Variants in SH3BP2 observed in about 807,000 individuals in gnomAD.
The protein encoded by SH3BP2 is SH3 domain binding protein 2, also known as SH3 domain-binding protein 2.
In SH3BP2, 38 loss-of-function variants were observed where a neutral mutation model predicts 56.2. The ratio of observed to expected loss-of-function variants is 0.68; its 90% confidence interval spans 0.52 to 0.89. The LOEUF is 0.89. Ranked by LOEUF, SH3BP2 falls within the 40% of genes least tolerant of loss-of-function variation. The probability of loss-of-function intolerance (pLI) is 0.00; values close to 1 mark genes in which losing one functional copy is unlikely to be tolerated. For missense variants in SH3BP2, 748 were observed against 762.6 expected, an observed-to-expected ratio of 0.98 and a Z score of 0.23; for synonymous variants, 346 against 316.7, an observed-to-expected ratio of 1.09 and a Z score of -0.98.
In SH3BP2 at chr4:2,823,145, T is replaced by C. The variant is rs1003630947; in HGVS notation, c.239+108T>C. The C allele has an allele frequency of 9.6e-6, 8 of 829,092 alleles. No homozygotes were observed. In the African/African-American group the frequency reaches 1.3e-4, roughly 14 times the overall value. 51.4% of individuals were successfully genotyped at this position (829,092 alleles called of 1,614,324 possible). Reference sequence around the variant, plus strand: ...TTATTCCCGCCCAAGGAAAGTGCTTTCCCGAAGCAGCCTTCGTGCCCATCC... The same window carrying C: ...TTATTCCCGCCCAAGGAAAGTGCTTCCCCGAAGCAGCCTTCGTGCCCATCC... On this transcript the variant is annotated intron_variant, in intron 3 of 12. Coordinates refer to ENST00000503393, the MANE Select transcript of SH3BP2 (RefSeq NM_001122681.2).
At chr4:2,812,518 A>G in intron 1 of SH3BP2, 1 of 1,542,852 alleles carries the variant, frequency 6.5e-7, no homozygotes, top group Non-Finnish European at 8.8e-7. Context: ...GGGAGGCGGC[A>G]CTGGTCTAGC....
chr4:2,828,200 C>G (rs1724782121), intron 7 of SH3BP2, among the ~76,000 whole-genome samples: 1 of 140,026 alleles, frequency 7.1e-6, no homozygotes, highest in Admixed American at 7.2e-5. Context: ...TGTCGCCTCC[C>G]TCCCTTCCTC....
chr4:2,808,791 AGTGCCC>A (rs2108709238), intron 1 of SH3BP2, among the ~76,000 whole-genome samples: 2 of 75,292 alleles, frequency 2.7e-5, no homozygotes, highest in Admixed American at 1.7e-4. Flanking sequence ...CCTAGGGCTC[AGTGCCC>A]ACCTTCCCCC....
At chr4:2,818,391 G>GT in intron 1 of SH3BP2, 1 of 1,178,346 alleles carries the variant, frequency 8.5e-7, no homozygotes, top group Non-Finnish European at 1.1e-6. Flanking sequence ...CGTGGACGCC[G>GT]TGAGTACCGA....
In SH3BP2 at chr4:2,833,020, A is replaced by G; in HGVS notation, c.1519A>G (p.Lys507Glu). Reference sequence around the variant, plus strand: ...GGTTGTGTGGGACGAAACCTCTAACAAAGTGAGGAACTATCGCATTTTTGA... The same window carrying G: ...GGTTGTGTGGGACGAAACCTCTAACGAAGTGAGGAACTATCGCATTTTTGA... ...VLVVWDETSN[K>E]VRNYRIFEKD... The change falls in exon 12 of 13, where the codon AAA (lysine) becomes GAA (glutamate). Residue 507 changes from lysine (K) to glutamate (E), a missense_variant. Lys to Glu is a moderately conservative substitution (Grantham distance 56). Around this residue, in one of 3 missense-constraint regions of SH3BP2, gnomAD observed 635 missense variants for 615.0 expected, o/e 1.03. Coordinates refer to ENST00000503393, the MANE Select transcript of SH3BP2 (RefSeq NM_001122681.2). The G allele has an allele frequency of 6.2e-7, 1 of 1,614,202 alleles. No individual in the cohort carries two copies. Among genetic ancestry groups the G allele is most frequent in the Non-Finnish European group, 8.5e-7 (1 of 1,180,022 alleles).
intron 1 of SH3BP2, among the ~76,000 whole-genome samples, chr4:2,795,957 G>T (rs372912326): frequency 2.0e-5 from 3 of 152,170 alleles, no homozygotes; most frequent in Admixed American, 1.3e-4. Flanking sequence ...AGTCCCAGAG[G>T]GGGTGGTAGG....
At position 2,831,409 on chromosome 4, in the gene SH3BP2, C is replaced by T. The variant is rs1724977183; in HGVS notation, c.1242-162C>T. ...GCTGTCCCAGGGCAGTCGGCACGAG[C>T]CCTACCCGGATCTCTGTTGTCCTGA... On this transcript the variant is annotated intron_variant, in intron 8 of 12. Coordinates refer to ENST00000503393, the MANE Select transcript of SH3BP2 (RefSeq NM_001122681.2). This position sits in a 1 kb window ranked among gnomAD's most constrained non-coding sequence, Gnocchi z 4.1. Among the ~76,000 whole-genome samples the T allele has an allele frequency of 1.3e-5, 2 of 152,172 alleles. No homozygotes were observed. The highest frequency in any genetic ancestry group is 2.4e-5 in the African/African-American group (1 of 41,434).
At chr4:2,828,535 T>G (rs1724801142) in intron 7 of SH3BP2, among the ~76,000 whole-genome samples, 1 of 152,196 alleles carries the variant, frequency 6.6e-6, no homozygotes, top group African/African-American at 2.4e-5. Context: ...GCAGAGCTCT[T>G]GTCTCACAGT....
At chr4:2,815,027 G>A (rs903089712) in intron 1 of SH3BP2, 1 of 152,342 alleles carries the variant, frequency 6.6e-6, no homozygotes, top group African/African-American at 2.4e-5. Flanking sequence ...CCAGCTAGGA[G>A]TGTGGGTGCT....
intron 1 of SH3BP2, among the ~76,000 whole-genome samples, chr4:2,804,389 G>T (rs1723445059): frequency 6.6e-6 from 1 of 152,312 alleles, no homozygotes; most frequent in South Asian, 2.1e-4. Context: ...TTTCTTCAAG[G>T]GAACCAGCAG....
intron 1 of SH3BP2, among the ~76,000 whole-genome samples, chr4:2,808,223 G>A (rs1032675811): frequency 6.6e-5 from 10 of 152,276 alleles, no homozygotes; most frequent in South Asian, 2.1e-4. Context: ...GCTGGTGGCC[G>A]GCGATCCTCG....
At chr4:2,797,144 GT>G (rs1424794135) in intron 1 of SH3BP2, among the ~76,000 whole-genome samples, 1 of 152,164 alleles carries the variant, frequency 6.6e-6, no homozygotes, top group African/African-American at 2.4e-5. Context: ...AGGGTCCTGG[GT>G]CCCCATGCCC....
In SH3BP2 at chr4:2,840,370, G is replaced by GT. The variant is rs1725381280; in HGVS notation, c.*6542dup. On this transcript the variant is annotated 3_prime_UTR_variant, in exon 13 of 13. Transcript: ENST00000503393. ...TAGGCCTTTAATTCACCTAGATTTG[G>GT]TTTTTTGCATATGGTGTGAGGTAAG... The GT allele has an allele frequency of 3.3e-5, 5 of 151,894 alleles. No individual in the cohort carries two copies. Among genetic ancestry groups the GT allele is most frequent in the Admixed American group, 1.3e-4 (2 of 15,274 alleles). 9.4% of individuals were successfully genotyped at this position (151,894 alleles called of 1,614,324 possible). A position where few individuals can be genotyped will look rare whatever the true frequency, so the allele number is the denominator to read the frequency against.
At chr4:2,806,186 C>T (rs969884257) in intron 1 of SH3BP2, among the ~76,000 whole-genome samples, 1 of 152,252 alleles carries the variant, frequency 6.6e-6, no homozygotes, top group African/African-American at 2.4e-5. Context: ...AGGTCACATG[C>T]ATAGAGCGGC....
chr4:2,825,467 C>T (rs1470086766), intron 5 of SH3BP2, among the ~76,000 whole-genome samples: 1 of 144,408 alleles, frequency 6.9e-6, no homozygotes, highest in Non-Finnish European at 1.6e-5. Context: ...CAGAGCAACA[C>T]GTGGACATGC....
intron 1 of SH3BP2, among the ~76,000 whole-genome samples, chr4:2,816,625 T>C (rs1266651656): frequency 6.6e-6 from 1 of 152,260 alleles, no homozygotes; most frequent in Admixed American, 6.5e-5. Flanking sequence ...CTTCTATTCC[T>C]GGTTTGTTGA....
intron 7 of SH3BP2, among the ~76,000 whole-genome samples, chr4:2,828,207 C>T (rs950566759): frequency 6.7e-6 from 1 of 148,424 alleles, no homozygotes; most frequent in African/African-American, 2.5e-5. Flanking sequence ...TCCCTCCCTT[C>T]CTCCCTCCCT....
At chr4:2,818,274 C>A in intron 1 of SH3BP2, 2 of 1,019,042 alleles carry the variant, frequency 2.0e-6, no homozygotes, top group Non-Finnish European at 2.3e-6. Flanking sequence ...GGGAGGCGGG[C>A]GCCCGGGACG....
intron 3 of SH3BP2, 142 bp from the exon 4 acceptor site, chr4:2,824,471 A>G: frequency 1.5e-6 from 1 of 660,774 alleles, no homozygotes; most frequent in Non-Finnish European, 2.7e-6. Context: ...TACTGGGAGC[A>G]TCAGCAGCCA....
Sources: gnomAD v4.1 joint callset for allele counts (sites outside exome capture counted in the v4.1 genomes callset) on GRCh38, gnomAD v4.1.1 for gene constraint, gnomAD v4.1.1 regional missense constraint, Gnocchi (gnomAD v3.1) non-coding constraint, MANE v1.5 for transcripts, NCBI Gene and HGNC (gene_info 2026-07-23, HGNC 2026-07-21) for gene names.